Variants in RAD23B observed in about 807,000 individuals in gnomAD.
RAD23B encodes the protein RAD23 nucleotide excision repair protein B.
In RAD23B, 5 loss-of-function variants were observed where a neutral mutation model predicts 49.1. That is an observed-to-expected ratio of 0.10 (90% CI 0.05 to 0.21). RAD23B has a LOEUF of 0.21. RAD23B is among the 10% of genes least tolerant of loss of function. The pLI is 1.00. For synonymous variants in RAD23B, 184 were observed against 165.4 expected (o/e 1.11, Z -0.86); for missense variants, 356 against 486.7 (o/e 0.73, Z 2.53).
intron 5 of RAD23B, among the ~76,000 whole-genome samples, chr9:107,315,714 A>C (rs570041907): frequency 6.6e-6 from 1 of 151,988 alleles, no homozygotes; most frequent in South Asian, 2.1e-4. Context: ...GGGTTTCACC[A>C]TGTTGGCCAG....
At chr9:107,313,516 G>A (rs550693163) in intron 5 of RAD23B, among the ~76,000 whole-genome samples, 16 of 152,284 alleles carry the variant, frequency 1.1e-4, no homozygotes, top group African/African-American at 3.9e-4. Context: ...GAACCACAGT[G>A]CCCGGCCAGT....
intron 4 of RAD23B, among the ~76,000 whole-genome samples, chr9:107,307,887 T>C (rs1382378979): frequency 2.0e-5 from 3 of 152,194 alleles, no homozygotes; most frequent in African/African-American, 4.8e-5. Flanking sequence ...TTGCCTAACT[T>C]GATCCATCTT....
At chr9:107,309,790 G>A (rs2133083177) in intron 4 of RAD23B, among the ~76,000 whole-genome samples, 1 of 152,160 alleles carries the variant, frequency 6.6e-6, no homozygotes, top group South Asian at 2.1e-4. Flanking sequence ...AATTAGCTGG[G>A]CGTGGTGGCG....
chr9:107,303,972 A>T (rs1317285280), intron 3 of RAD23B, among the ~76,000 whole-genome samples: 2 of 152,126 alleles, frequency 1.3e-5, no homozygotes, highest in Non-Finnish European at 2.9e-5. Context: ...TTTTTCCTTA[A>T]AGTCTTTTAT....
chr9:107,284,031 G>A, intron 1 of RAD23B: 1 of 1,054,236 alleles, frequency 9.5e-7, no homozygotes, highest in Non-Finnish European at 1.1e-6. Context: ...CGTAGAGCCT[G>A]GCTTTCTGGT....
At chr9:107,306,079 A>ACAC (rs1159106863) in intron 3 of RAD23B, among the ~76,000 whole-genome samples, 2 of 97,966 alleles carry the variant, frequency 2.0e-5, no homozygotes, top group Non-Finnish European at 3.9e-5. Flanking sequence ...ATATCTATAT[A>ACAC]TCTATATATA....
At position 107,285,006 on chromosome 9, in the gene RAD23B, C is replaced by T. The variant is rs949298533; in HGVS notation, c.66+1311C>T. The stretch of plus-strand genomic sequence containing the variant: ...ATACAGTGTTACGTTTTACTTATCT[C>T]ATTTAATCTTAAGTTTTGTACATCT... On this transcript the variant is annotated intron_variant, in intron 1 of 9. Transcript: ENST00000358015. The T allele has an allele frequency of 6.5e-6, 8 of 1,237,812 alleles. No homozygotes were observed. In the South Asian group the frequency reaches 8.0e-5, roughly 12 times the overall value. The allele number at this position is 1,237,812 out of a possible 1,614,324, so 76.7% of individuals were successfully genotyped here. A position where few individuals can be genotyped will look rare whatever the true frequency, so the allele number is the denominator to read the frequency against.
At chr9:107,301,232 C>CAA (rs1826644843) in intron 2 of RAD23B, among the ~76,000 whole-genome samples, 1 of 152,090 alleles carries the variant, frequency 6.6e-6, no homozygotes, top group African/African-American at 2.4e-5. Context: ...TTCTGAAGTA[C>CAA]TTTTAGTATC....
chr9:107,329,377 G>T (rs888556847), intron 9 of RAD23B, among the ~76,000 whole-genome samples, 166 bp from the exon 10 acceptor site: 1 of 152,224 alleles, frequency 6.6e-6, no homozygotes, highest in Admixed American at 6.5e-5. Context: ...AATCCATATT[G>T]ATAGAGATGA....
At position 107,326,972 on chromosome 9, in the gene RAD23B, G is replaced by T. The variant is rs183244001; in HGVS notation, c.1116+1968G>T. On this transcript the variant is annotated intron_variant, in intron 9 of 9. Transcript: ENST00000358015. The stretch of plus-strand genomic sequence containing the variant: ...TATTTCTTTTAGAGTCAGTTTTGGT[G>T]GTTTTTGACTTGGAATTTGTCTATT... 1.1e-4 allele frequency among the ~76,000 whole-genome samples: 16 copies of T among 152,048 alleles called. No homozygotes were observed. In the East Asian group the frequency reaches 2.1e-3, roughly 20 times the overall value.
At chr9:107,288,717 C>T (rs1206290095) in intron 1 of RAD23B, among the ~76,000 whole-genome samples, 1 of 152,050 alleles carries the variant, frequency 6.6e-6, no homozygotes, top group Non-Finnish European at 1.5e-5. Flanking sequence ...ATTTACTAGT[C>T]ACTGAAGGCC....
At chr9:107,319,663 A>G (rs1274596700) in intron 6 of RAD23B, among the ~76,000 whole-genome samples, 3 of 152,198 alleles carry the variant, frequency 2.0e-5, no homozygotes, top group Non-Finnish European at 4.4e-5. Flanking sequence ...AACATCATGC[A>G]TTTAATGAAT....
Position 107,321,974 on chromosome 9 carries a change from C to G in RAD23B, c.682-9C>G, listed in dbSNP as rs1348489854. The stretch of plus-strand genomic sequence containing the variant: ...TGGGATATCTTAAAGCTTGGAAATT[C>G]TATTACAGGGAATCCCTGGAGATAG... On this transcript the variant is annotated splice_polypyrimidine_tract_variant and intron_variant, in intron 6 of 9. Transcript: ENST00000358015. 7 of 1,595,892 alleles carry G rather than the reference C, an allele frequency of 4.4e-6. No individual in the cohort carries two copies. Among genetic ancestry groups the G allele is most frequent in the South Asian group, 1.1e-5 (1 of 88,094 alleles).
intron 7 of RAD23B, 148 bp downstream of exon 7, chr9:107,322,266 C>A: frequency 1.9e-6 from 2 of 1,038,834 alleles, no homozygotes; most frequent in Non-Finnish European, 2.6e-6. Flanking sequence ...TTGAGAAAGG[C>A]CCAAAAGAAA....
At chr9:107,327,744 A>G (rs924193129) in intron 9 of RAD23B, among the ~76,000 whole-genome samples, 1 of 152,158 alleles carries the variant, frequency 6.6e-6, no homozygotes, top group Non-Finnish European at 1.5e-5. Context: ...TGGTCTATAA[A>G]TATCTGATAG....
chr9:107,331,826 A>G lies in RAD23B; in HGVS notation c.*2170A>G, dbSNP rs1321107110. Reference sequence around the variant, plus strand: ...AGGCCAAGTTTTGATCGTTCCATACAGTACCTTGTTTATCTGCTTCTTAAA... The same window carrying G: ...AGGCCAAGTTTTGATCGTTCCATACGGTACCTTGTTTATCTGCTTCTTAAA... On this transcript the variant is annotated 3_prime_UTR_variant, in exon 10 of 10. Transcript: ENST00000358015. 2 of 672,626 alleles carry G rather than the reference A, an allele frequency of 3.0e-6. No homozygotes were observed. The highest frequency in any genetic ancestry group is 1.8e-5 in the African/African-American group (1 of 55,566). The allele number at this position is 672,626 out of a possible 1,614,324, so 41.7% of individuals were successfully genotyped here. A position where few individuals can be genotyped will look rare whatever the true frequency, so the allele number is the denominator to read the frequency against.
rs372155839 is a variant in RAD23B, at chr9:107,300,616, CA to C, written c.148+395del. Among the ~76,000 whole-genome samples the C allele has an allele frequency of 3.3e-3, 496 of 151,744 alleles. 3 individuals carry two copies. The highest frequency in any genetic ancestry group is 0.012 in the African/African-American group (481 of 41,348). On this transcript the variant is annotated intron_variant, in intron 2 of 9. Transcript: ENST00000358015. ...ACTGAAGAGTACAGAAAAAACACAT[CA>C]CACAGACACCTACAGGAAGAAAAAA...
At chr9:107,324,537 T>G (rs1827166381) in intron 8 of RAD23B, among the ~76,000 whole-genome samples, 1 of 152,100 alleles carries the variant, frequency 6.6e-6, no homozygotes, top group Non-Finnish European at 1.5e-5. Flanking sequence ...AGTTCTATTC[T>G]TATAGTCCCA....
rs1051792385 is a variant in RAD23B at position 107,329,459 on chromosome 9, A to G, written c.1117-84A>G. On this transcript the variant is annotated intron_variant, in intron 9 of 9. Coordinates refer to ENST00000358015, the MANE Select transcript of RAD23B (RefSeq NM_002874.5). ...TGAGTAATGATTTATCTTTAGTGCT[A>G]TGCTGGAATCTATAATATGTAAATA... 1.3e-5 allele frequency: 11 copies of G among 866,194 alleles called. No individual in the cohort carries two copies. The African/African-American group carries it at 1.9e-4, about 15-fold the overall frequency. 53.7% of individuals were successfully genotyped at this position (866,194 alleles called of 1,614,324 possible). A position where few individuals can be genotyped will look rare whatever the true frequency, so the allele number is the denominator to read the frequency against.
Sources: gnomAD v4.1 joint callset for allele counts (sites outside exome capture counted in the v4.1 genomes callset) on GRCh38, gnomAD v4.1.1 for gene constraint, MANE v1.5 for transcripts, NCBI Gene and HGNC (gene_info 2026-07-23, HGNC 2026-07-21) for gene names.